SH3RF3: variants seen among roughly 807,000 people sequenced by gnomAD.
SH3RF3 encodes E3 ubiquitin-protein ligase SH3RF3.
In SH3RF3, 29 loss-of-function variants were observed where a neutral mutation model predicts 66.3. The ratio of observed to expected loss-of-function variants is 0.44; its 90% CI spans 0.33 to 0.60. The LOEUF (loss-of-function observed/expected upper bound fraction) is 0.60. Ranked by LOEUF, SH3RF3 falls within the 20% of genes least tolerant of loss-of-function variation. The pLI, the probability that SH3RF3 is intolerant of heterozygous loss-of-function variation, is 0.04. For synonymous variants in SH3RF3, 583 were observed against 532.0 expected (o/e 1.10, Z -1.32); for missense variants, 1,194 against 1,190.9 (o/e 1.00, Z -0.04).
At chr2:109,228,932 G>A (rs999781597) in intron 1 of SH3RF3, among the ~76,000 whole-genome samples, 1 of 152,168 alleles carries the variant, frequency 6.6e-6, no homozygotes, top group Non-Finnish European at 1.5e-5. Flanking sequence ...ATGGGGTATG[G>A]AGCTGAAAAC....
chr2:109,188,746 G>C (rs1574493944), intron 1 of SH3RF3, among the ~76,000 whole-genome samples: 2 of 152,128 alleles, frequency 1.3e-5, no homozygotes, highest in Admixed American at 6.5e-5. Context: ...TTGAGACTCT[G>C]AGAGACACCA....
rs1676648447 is a variant in SH3RF3, at chr2:109,129,987, C to T, written c.447C>T (p.Leu149=). 3.1e-6 allele frequency: 4 copies of T among 1,297,990 alleles called. No homozygotes were observed. Among genetic ancestry groups the T allele is most frequent in the South Asian group, 4.7e-5 (2 of 42,204 alleles). 80.4% of individuals were successfully genotyped at this position (1,297,990 alleles called of 1,614,324 possible). A position where few individuals can be genotyped will look rare whatever the true frequency, so the allele number is the denominator to read the frequency against. ...PIPGQSAAPT[L]AGGGGGAAGS... ...CAGGCCAGAGTGCGGCCCCCACGCT[C>T]GCGGGCGGCGGGGGCGGCGCGGCAG... The change falls in exon 1 of 10, where the codon CTC becomes CTT. Residue 149 remains leucine, a synonymous_variant. Transcript: ENST00000309415.
intron 1 of SH3RF3, among the ~76,000 whole-genome samples, chr2:109,135,106 G>A (rs1676786685): frequency 6.6e-6 from 1 of 152,210 alleles, no homozygotes; most frequent in Admixed American, 6.5e-5. Context: ...AGGTGTCACA[G>A]TCCCATGACA....
chr2:109,182,901 A>G (rs1678102779), intron 1 of SH3RF3, among the ~76,000 whole-genome samples: 1 of 152,150 alleles, frequency 6.6e-6, no homozygotes, highest in Non-Finnish European at 1.5e-5. Flanking sequence ...TTTCACTCTC[A>G]TATTTCATAA....
At position 109,410,440 on chromosome 2, in the gene SH3RF3, G is replaced by A. The variant is rs6734407; in HGVS notation, c.1300-9099G>A. 4.8e-3 allele frequency among the ~76,000 whole-genome samples: 729 copies of A among 152,360 alleles called. 6 individuals are homozygous for A. The highest frequency in any genetic ancestry group is 0.017 in the African/African-American group (689 of 41,584). ...GCCCCTGCAGCTCCGTGCACCCAGG[G>A]GGCAGCATCAGCGTGCACGCTGTCA... On this transcript the variant is annotated intron_variant, in intron 4 of 9. Transcript: ENST00000309415.
intron 1 of SH3RF3, among the ~76,000 whole-genome samples, chr2:109,140,661 G>A (rs187273370): frequency 3.9e-5 from 6 of 152,258 alleles, no homozygotes; most frequent in Admixed American, 2.0e-4. Context: ...GATTACAGGC[G>A]TGAGCCACCA....
chr2:109,144,150 A>C (rs764197376), intron 1 of SH3RF3, among the ~76,000 whole-genome samples: 14 of 152,228 alleles, frequency 9.2e-5, no homozygotes, highest in Non-Finnish European at 1.6e-4. Context: ...AGTTAACAAT[A>C]CTCGATTATA....
intron 1 of SH3RF3, among the ~76,000 whole-genome samples, chr2:109,296,010 G>T (rs941952031): frequency 5.9e-5 from 9 of 152,082 alleles, no homozygotes; most frequent in African/African-American, 2.2e-4. Context: ...CATCTGTGAA[G>T]GATTGATGGG....
chr2:109,143,127 C>A (rs1676997960), intron 1 of SH3RF3, among the ~76,000 whole-genome samples: 1 of 152,068 alleles, frequency 6.6e-6, no homozygotes, highest in African/African-American at 2.4e-5. Context: ...TCAGGAGGAA[C>A]CTGGGAAACG....
In SH3RF3 at chr2:109,437,161, G is replaced by A. The variant is rs781739686; in HGVS notation, c.1828+15G>A. 1.8e-5 allele frequency: 28 copies of A among 1,598,736 alleles called. No individual in the cohort carries two copies. The highest frequency in any genetic ancestry group is 2.1e-5 in the Non-Finnish European group (25 of 1,170,100). ...CATTTCAACAGGTACCTTCACAGGG[G>A]CCTCACCCTGCAGGGCATCAACAAG... On this transcript the variant is annotated intron_variant, in intron 7 of 9. Transcript: ENST00000309415.
At chr2:109,495,266 C>CT (rs373969949) in intron 9 of SH3RF3, among the ~76,000 whole-genome samples, 3 of 152,318 alleles carry the variant, frequency 2.0e-5, no homozygotes, top group African/African-American at 7.2e-5. Context: ...TTAGAACCGT[C>CT]TAATGCCCCA....
chr2:109,456,314 T>C (rs1215785995), intron 8 of SH3RF3, among the ~76,000 whole-genome samples: 1 of 152,246 alleles, frequency 6.6e-6, no homozygotes, highest in Non-Finnish European at 1.5e-5. Context: ...ATTGTCAGGC[T>C]GCCTTCCGAG....
In SH3RF3 at chr2:109,366,464, G is replaced by C. The variant is rs114649097; in HGVS notation, c.850-5122G>C. 6.9e-3 allele frequency among the ~76,000 whole-genome samples: 1,040 copies of C among 149,918 alleles called. 8 individuals carry two copies. Among genetic ancestry groups the C allele is most frequent in the African/African-American group, 0.024 (958 of 40,422 alleles). ...ACTACCATTTATATCTTTCTAAAAG[G>C]CATGAATGTATGTGTGCATATATAC... is the stretch of plus-strand genomic sequence containing the variant. On this transcript the variant is annotated intron_variant, in intron 2 of 9. Coordinates refer to ENST00000309415, the MANE Select transcript of SH3RF3 (RefSeq NM_001099289.3).
intron 1 of SH3RF3, among the ~76,000 whole-genome samples, chr2:109,249,490 TTTCTTTCTTTCTTTCTTTCA>T (rs1321512226): frequency 7.9e-4 from 18 of 22,834 alleles, no homozygotes; most frequent in African/African-American, 5.2e-3. Context: ...TCTTTCTTTC[TTTCTTTCTTTCTTTCTTTCA>T]TTCTTTCTTT....
chr2:109,366,833 A>T (rs1427041412), intron 2 of SH3RF3, among the ~76,000 whole-genome samples: 1 of 152,272 alleles, frequency 6.6e-6, no homozygotes, highest in Non-Finnish European at 1.5e-5. Context: ...AGCCTGGGCA[A>T]CAGAGCAAGA....
At chr2:109,405,415 G>A (rs534461887) in intron 4 of SH3RF3, among the ~76,000 whole-genome samples, 21 of 152,268 alleles carry the variant, frequency 1.4e-4, no homozygotes, top group Non-Finnish European at 2.1e-4. Flanking sequence ...GTTCTGGGGA[G>A]CCTTCAGACT....
Position 109,324,563 on chromosome 2 carries a change from AG to A in SH3RF3, c.574-23109del, listed in dbSNP as rs549839578. Among the ~76,000 whole-genome samples the A allele has an allele frequency of 3.7e-4, 56 of 152,362 alleles. 1 individual carries two copies. Among genetic ancestry groups the A allele is most frequent in the African/African-American group, 1.3e-3 (52 of 41,586 alleles). ...AAGTTACAACTGTCATCTTAATAGAAGGAAAACCAGGTTGATGATCTGTTGA... is the reference window on the plus strand; with the variant it reads ...AAGTTACAACTGTCATCTTAATAGAAGAAAACCAGGTTGATGATCTGTTGA... On this transcript the variant is annotated intron_variant, in intron 1 of 9. Coordinates refer to ENST00000309415, the MANE Select transcript of SH3RF3 (RefSeq NM_001099289.3).
At chr2:109,494,748 A>G (rs890519699) in intron 9 of SH3RF3, among the ~76,000 whole-genome samples, 4 of 152,044 alleles carry the variant, frequency 2.6e-5, no homozygotes, top group Admixed American at 2.0e-4. Flanking sequence ...TTCCACCCCA[A>G]AATGCCAAGG....
At chr2:109,419,014 C>T (rs1488099089) in intron 4 of SH3RF3, among the ~76,000 whole-genome samples, 1 of 152,084 alleles carries the variant, frequency 6.6e-6, no homozygotes, top group East Asian at 1.9e-4. Context: ...TTAAAAAACC[C>T]TTGAAGCTTG....
Sources: allele counts gnomAD v4.1 joint callset (sites outside exome capture counted in the v4.1 genomes callset), GRCh38; gene constraint gnomAD v4.1.1; transcripts MANE v1.5; gene names NCBI Gene and HGNC (gene_info 2026-07-23, HGNC 2026-07-21).